NKAIN2: variants seen among roughly 807,000 people sequenced by gnomAD.
The protein encoded by NKAIN2 is sodium/potassium-transporting ATPase subunit beta-1-interacting protein 2.
Under a neutral mutation model 32.6 loss-of-function variants are expected in NKAIN2, and 14 were observed. That is an observed-to-expected ratio of 0.43 (90% CI 0.28 to 0.67). The LOEUF (loss-of-function observed/expected upper bound fraction) is 0.67. NKAIN2 is among the 30% of genes least tolerant of loss of function. The pLI is 0.17. For synonymous variants in NKAIN2, 80 were observed against 87.2 expected (o/e 0.92, Z 0.46); for missense variants, 198 against 258.3 (o/e 0.77, Z 1.60).
intron 4 of NKAIN2, among the ~76,000 whole-genome samples, chr6:124,787,536 G>C (rs1358066831): frequency 6.6e-6 from 1 of 151,962 alleles, no homozygotes; most frequent in Non-Finnish European, 1.5e-5. Context: ...TGGCAGACTG[G>C]GAAAATGAGT....
At chr6:124,496,454 C>G (rs541225738) in intron 3 of NKAIN2, among the ~76,000 whole-genome samples, 1 of 152,212 alleles carries the variant, frequency 6.6e-6, no homozygotes, top group South Asian at 2.1e-4. Context: ...CCTCAGAGAT[C>G]CTGAGCAGAG....
At chr6:123,916,829 T>TATCTATC (rs1562256370) in intron 1 of NKAIN2, among the ~76,000 whole-genome samples, 1 of 150,798 alleles carries the variant, frequency 6.6e-6, no homozygotes, top group Admixed American at 6.6e-5. Context: ...ATCTATCTAT[T>TATCTATC]TATCTATCTA....
At chr6:124,450,551 C>T (rs1241631170) in intron 3 of NKAIN2, among the ~76,000 whole-genome samples, 2 of 151,644 alleles carry the variant, frequency 1.3e-5, no homozygotes, top group Non-Finnish European at 2.9e-5. Context: ...AATTTTAACT[C>T]TCAATTTTGT....
At chr6:124,577,161 A>G (rs1406561900) in intron 3 of NKAIN2, among the ~76,000 whole-genome samples, 1 of 152,186 alleles carries the variant, frequency 6.6e-6, no homozygotes, top group African/African-American at 2.4e-5. Flanking sequence ...GCTGAATAGA[A>G]GCCTTCACCA....
At chr6:124,115,926 T>A (rs1785589030) in intron 1 of NKAIN2, among the ~76,000 whole-genome samples, 1 of 152,098 alleles carries the variant, frequency 6.6e-6, no homozygotes, top group South Asian at 2.1e-4. Context: ...GTGTGCTATG[T>A]ATCTTTCACA....
At chr6:124,808,211 T>G (rs577066915) in intron 5 of NKAIN2, among the ~76,000 whole-genome samples, 22 of 151,896 alleles carry the variant, frequency 1.4e-4, no homozygotes, top group Admixed American at 1.2e-3. Flanking sequence ...ATATCCTTGA[T>G]GAACATTGAT....
chr6:124,110,492 T>C (rs1047982075), intron 1 of NKAIN2, among the ~76,000 whole-genome samples: 1 of 152,116 alleles, frequency 6.6e-6, no homozygotes, highest in African/African-American at 2.4e-5. Context: ...GAGGTACAGA[T>C]GACCCTGTGT....
At chr6:124,621,070 TTAAGAACG>T (rs1783088994) in intron 3 of NKAIN2, among the ~76,000 whole-genome samples, 1 of 152,176 alleles carries the variant, frequency 6.6e-6, no homozygotes, top group Non-Finnish European at 1.5e-5. Flanking sequence ...CTGGGGACCT[TTAAGAACG>T]TAGCGAGGCC....
At chr6:124,397,346 T>C (rs973620662) in intron 3 of NKAIN2, among the ~76,000 whole-genome samples, 1 of 152,098 alleles carries the variant, frequency 6.6e-6, no homozygotes, top group Non-Finnish European at 1.5e-5. Flanking sequence ...TAGAATTCAA[T>C]TCAAACATAT....
chr6:124,595,941 T>C lies in NKAIN2; in HGVS notation c.274-62245T>C, dbSNP rs1583492551. ...GCAGCTGGGGCTTGGGGAGCACGGGTAGGGGATGGGAGTCTGCAGAGTTCT... is the reference window on the plus strand; with the variant it reads ...GCAGCTGGGGCTTGGGGAGCACGGGCAGGGGATGGGAGTCTGCAGAGTTCT... On this transcript the variant is annotated intron_variant, in intron 3 of 6. Transcript: ENST00000368417. Among the ~76,000 whole-genome samples, 3 of 152,064 alleles carry C rather than the reference T, an allele frequency of 2.0e-5. No homozygotes were observed. In the South Asian group the frequency reaches 6.2e-4, roughly 32 times the overall value.
intron 1 of NKAIN2, among the ~76,000 whole-genome samples, chr6:123,970,606 TG>T (rs1320394031): frequency 3.3e-5 from 5 of 152,100 alleles, no homozygotes; most frequent in Admixed American, 1.3e-4. Context: ...TGGCTGGGTG[TG>T]GTGGCTCATG....
At chr6:124,701,179 C>T (rs930616375) in intron 4 of NKAIN2, among the ~76,000 whole-genome samples, 1 of 136,510 alleles carries the variant, frequency 7.3e-6, no homozygotes, top group Non-Finnish European at 1.6e-5. Context: ...ACACACACAC[C>T]GGATGACATA....
intron 1 of NKAIN2, among the ~76,000 whole-genome samples, chr6:124,002,649 G>A (rs1779927001): frequency 6.6e-6 from 1 of 152,088 alleles, no homozygotes; most frequent in Non-Finnish European, 1.5e-5. Context: ...CCTGGCGATG[G>A]CACTCATTCT....
chr6:124,215,891 G>T (rs937772533), intron 1 of NKAIN2, among the ~76,000 whole-genome samples: 3 of 152,106 alleles, frequency 2.0e-5, no homozygotes, highest in Non-Finnish European at 4.4e-5. Context: ...ACTGAGGCGG[G>T]TGGATCACCT....
At chr6:124,200,194 T>C (rs1357157168) in intron 1 of NKAIN2, among the ~76,000 whole-genome samples, 13 of 152,156 alleles carry the variant, frequency 8.5e-5, no homozygotes. Flanking sequence ...ACTGCCTCCT[T>C]ATTCGCTTTC....
chr6:124,329,821 G>A (rs1180590749), intron 2 of NKAIN2, among the ~76,000 whole-genome samples: 1 of 152,150 alleles, frequency 6.6e-6, no homozygotes, highest in Non-Finnish European at 1.5e-5. Context: ...TTACTATAAA[G>A]TATGTCTCTA....
chr6:124,593,205 T>TGTGTGTGTG (rs1554231106), intron 3 of NKAIN2, among the ~76,000 whole-genome samples: 1 of 149,898 alleles, frequency 6.7e-6, no homozygotes, highest in Non-Finnish European at 1.5e-5. Flanking sequence ...GATGAGAGTT[T>TGTGTGTGTG]TGTGTGTGTG....
At chr6:124,104,227 T>A (rs1785017292) in intron 1 of NKAIN2, among the ~76,000 whole-genome samples, 2 of 152,208 alleles carry the variant, frequency 1.3e-5, no homozygotes, top group African/African-American at 4.8e-5. Flanking sequence ...ATTTATAACC[T>A]TTTTTGTCTT....
intron 1 of NKAIN2, among the ~76,000 whole-genome samples, chr6:124,202,877 T>G (rs1023628221): frequency 2.6e-5 from 4 of 151,858 alleles, no homozygotes; most frequent in Middle Eastern, 3.4e-3. Flanking sequence ...ATAAAAGAAA[T>G]AAATAATAGA....
Sources: gnomAD v4.1 joint callset for allele counts (sites outside exome capture counted in the v4.1 genomes callset) on GRCh38, gnomAD v4.1.1 for gene constraint, MANE v1.5 for transcripts, NCBI Gene and HGNC (gene_info 2026-07-23, HGNC 2026-07-21) for gene names.